Variants in ERCC8 observed in about 807,000 individuals in gnomAD.
ERCC8 encodes ERCC excision repair 8, CSA ubiquitin ligase complex subunit.
A neutral mutation model predicts 54.9 loss-of-function variants in ERCC8; 52 were observed. That is an observed-to-expected ratio of 0.95 (90% CI 0.76 to 1.19). ERCC8 has a LOEUF of 1.19. Among genes scored for constraint, ERCC8 ranks in the 50% most tolerant of loss-of-function variants. ERCC8 has a pLI of 0.00. For synonymous variants in ERCC8, 146 were observed against 157.2 expected, an observed-to-expected ratio of 0.93 and a Z score of 0.53; for missense variants, 514 against 466.1, an observed-to-expected ratio of 1.10 and a Z score of -0.95.
chr5:60,905,755 TTAAC>T (rs1749052280), intron 4 of ERCC8, among the ~76,000 whole-genome samples: 1 of 152,196 alleles, frequency 6.6e-6, no homozygotes, highest in Non-Finnish European at 1.5e-5. Context: ...AGTAAAGAGT[TTAAC>T]TGATGCAAGG....
intron 11 of ERCC8, among the ~76,000 whole-genome samples, chr5:60,885,047 CTG>C (rs1199152518): frequency 6.6e-6 from 1 of 151,826 alleles, no homozygotes; most frequent in African/African-American, 2.4e-5. Context: ...AGATCTCACT[CTG>C]TCACCCAGGC....
intron 9 of ERCC8, among the ~76,000 whole-genome samples, chr5:60,894,284 G>A (rs1186323892): frequency 6.6e-6 from 1 of 152,002 alleles, no homozygotes; most frequent in African/African-American, 2.4e-5. Flanking sequence ...GCGCCCGGCT[G>A]GGAATTTATC....
rs4647093 is a variant in ERCC8 at position 60,916,981 on chromosome 5, T to C, written c.399+1284A>G. Reference sequence around the variant, plus strand: ...ATGATATTATAAAGTAGTATGAGAATGTATTGAAATAGGAATACAGAAAAT... The same window carrying C: ...ATGATATTATAAAGTAGTATGAGAACGTATTGAAATAGGAATACAGAAAAT... On this transcript the variant is annotated intron_variant, in intron 4 of 11. Transcript: ENST00000676185. Among the ~76,000 whole-genome samples the C allele has an allele frequency of 1.6e-3, 239 of 152,176 alleles. 4 individuals carry two copies. The highest frequency in any genetic ancestry group is 5.6e-3 in the African/African-American group (232 of 41,494).
At chr5:60,943,497 G>A (rs1750325978) in intron 1 of ERCC8, among the ~76,000 whole-genome samples, 1 of 152,152 alleles carries the variant, frequency 6.6e-6, no homozygotes, top group African/African-American at 2.4e-5. Context: ...GTCTATGGGT[G>A]ATTGGTCACT....
In ERCC8 at chr5:60,944,921, G is replaced by A; in HGVS notation, c.77+11C>T. 5.0e-6 allele frequency: 8 copies of A among 1,609,582 alleles called. No homozygotes were observed. Among genetic ancestry groups the A allele is most frequent in the Non-Finnish European group, 6.8e-6 (8 of 1,175,904 alleles). On this transcript the variant is annotated intron_variant, in intron 1 of 11. Coordinates refer to ENST00000676185, the MANE Select transcript of ERCC8 (RefSeq NM_000082.4). ...ACTGGCCTGTTAGCCAAAAAGTAAG[G>A]TTTTCTTTACCTCCGTGTTGACTCT...
intron 1 of ERCC8, among the ~76,000 whole-genome samples, chr5:60,931,591 G>C (rs1749910867): frequency 6.6e-6 from 1 of 152,112 alleles, no homozygotes; most frequent in African/African-American, 2.4e-5. Flanking sequence ...TTACAGGTGT[G>C]AGCCACCACA....
chr5:60,918,401 A>T lies in ERCC8; in HGVS notation c.276-13T>A. On this transcript the variant is annotated splice_polypyrimidine_tract_variant and intron_variant, in intron 3 of 11. Transcript: ENST00000676185. Reference sequence around the variant, plus strand: ...ATCAGGATGATCTCTACAAAACAGCAATCAAAATTTACATTAACTGACTTA... The same window carrying T: ...ATCAGGATGATCTCTACAAAACAGCTATCAAAATTTACATTAACTGACTTA... 1 of 1,607,524 alleles carries T rather than the reference A, an allele frequency of 6.2e-7. No individual in the cohort carries two copies. Among genetic ancestry groups the T allele is most frequent in the Non-Finnish European group, 8.5e-7 (1 of 1,176,398 alleles).
intron 9 of ERCC8, among the ~76,000 whole-genome samples, chr5:60,894,037 T>C (rs1210587240): frequency 6.7e-6 from 1 of 148,486 alleles, no homozygotes; most frequent in Non-Finnish European, 1.5e-5. Flanking sequence ...CAGGCTGGAG[T>C]GCAGTGGCGC....
intron 9 of ERCC8, chr5:60,892,622 G>C (rs1748597769): frequency 3.0e-6 from 2 of 665,532 alleles, no homozygotes; most frequent in Non-Finnish European, 2.8e-6. Context: ...GAAGGTAATA[G>C]TTGGAAATCT....
chr5:60,892,180 C>T, intron 9 of ERCC8: 1 of 524,822 alleles, frequency 1.9e-6, no homozygotes, highest in East Asian at 5.0e-5. Context: ...GTTTAGCCCA[C>T]CCCATCTGAT....
intron 2 of ERCC8, among the ~76,000 whole-genome samples, chr5:60,923,868 C>T (rs551732331): frequency 6.6e-6 from 1 of 152,208 alleles, no homozygotes; most frequent in South Asian, 2.1e-4. Context: ...AATCTCTCTA[C>T]ATCATCACTC....
In ERCC8 at chr5:60,938,068, TATATATATATATATATATTTTA is replaced by T. The variant is rs1236341593; in HGVS notation, c.77+6842_77+6863del. 3.3e-3 allele frequency among the ~76,000 whole-genome samples: 108 copies of T among 32,806 alleles called. 4 individuals carry two copies. Among genetic ancestry groups the T allele is most frequent in the East Asian group, 0.012 (5 of 426 alleles). The allele number at this position is 32,806 out of a possible 152,430, so 21.5% of individuals were successfully genotyped here. A position where few individuals can be genotyped will look rare whatever the true frequency, so the allele number is the denominator to read the frequency against. On this transcript the variant is annotated intron_variant, in intron 1 of 11. Coordinates refer to ENST00000676185, the MANE Select transcript of ERCC8 (RefSeq NM_000082.4). Reference sequence around the variant, plus strand: ...ACATACATATATATATATATATATATATATATATATATATATATTTTATTTTTTTTTTTTTTAGGTTACGAAG... The same window carrying T: ...ACATACATATATATATATATATATATTTTTTTTTTTTTTTAGGTTACGAAG...
At chr5:60,881,834 T>C (rs1380768015) in intron 11 of ERCC8, among the ~76,000 whole-genome samples, 1 of 152,186 alleles carries the variant, frequency 6.6e-6, no homozygotes, top group African/African-American at 2.4e-5. Context: ...TCACCCTGCT[T>C]TGGCTCATGC....
intron 9 of ERCC8, chr5:60,893,657 G>A (rs148592854): frequency 2.0e-5 from 11 of 549,584 alleles, no homozygotes; most frequent in African/African-American, 3.8e-5. Context: ...AGAAGAGAGA[G>A]TAACAGACGC....
intron 4 of ERCC8, among the ~76,000 whole-genome samples, chr5:60,905,727 C>T (rs750236083): frequency 2.0e-5 from 3 of 152,326 alleles, no homozygotes; most frequent in Non-Finnish European, 4.4e-5. Context: ...AATCAATTCA[C>T]AAAAACCATG....
intron 1 of ERCC8, among the ~76,000 whole-genome samples, chr5:60,930,074 T>C (rs1384010461): frequency 1.3e-5 from 2 of 152,216 alleles, no homozygotes; most frequent in African/African-American, 2.4e-5. Flanking sequence ...TTTAGCAGTA[T>C]AAAGTATCTG....
At chr5:60,875,059 C>T (rs1747958024) in intron 11 of ERCC8, among the ~76,000 whole-genome samples, 1 of 152,204 alleles carries the variant, frequency 6.6e-6, no homozygotes, top group Admixed American at 6.5e-5. Flanking sequence ...GACTGGACTC[C>T]AGGTGTACAG....
At chr5:60,878,775 C>T (rs527338771) in intron 11 of ERCC8, among the ~76,000 whole-genome samples, 6 of 152,170 alleles carry the variant, frequency 3.9e-5, no homozygotes, top group Admixed American at 2.0e-4. Flanking sequence ...CTTTATTACT[C>T]TTGCTAGTGG....
At chr5:60,893,533 G>A (rs1316666868) in intron 9 of ERCC8, 7 of 748,276 alleles carry the variant, frequency 9.4e-6, no homozygotes, top group Admixed American at 6.0e-5. Flanking sequence ...TACAGCCCTT[G>A]GAAACTTTAC....
Sources: gnomAD v4.1 joint callset for allele counts (sites outside exome capture counted in the v4.1 genomes callset) on GRCh38, gnomAD v4.1.1 for gene constraint, MANE v1.5 for transcripts, NCBI Gene and HGNC (gene_info 2026-07-23, HGNC 2026-07-21) for gene names.